The following TAOK2 variants were observed in gnomAD, a reference collection of about 807,000 sequenced individuals.
TAOK2 encodes serine/threonine-protein kinase TAO2.
Under a neutral mutation model 122.5 loss-of-function variants are expected in TAOK2, and 42 were observed. The observed-to-expected ratio is 0.34, with a 90% CI of 0.27 to 0.44. The LOEUF is 0.44. TAOK2 is among the 20% of genes least tolerant of loss of function. The pLI is 1.00. For synonymous variants in TAOK2, 704 were observed against 677.6 expected (o/e 1.04, Z -0.61); for missense variants, 1,264 against 1,644.9 (o/e 0.77, Z 4.01).
rs1166563908 is a variant in TAOK2, at chr16:29,987,740, C to T, written c.3468C>T (p.Gly1156=). ...LLARVWVLCK[G]WNWRLARASQ... ...CAAGGGTCTGGGTCCTGTGCAAGGG[C>T]TGGAACTGGCGTCTGGCACGGGCCA... The change falls in exon 16 of 16, where the codon GGC becomes GGT. Residue 1156 remains glycine (G), a synonymous_variant. Transcript: ENST00000308893. 1.2e-6 allele frequency: 2 copies of T among 1,614,092 alleles called. No homozygotes were observed. The highest frequency in any genetic ancestry group is 1.7e-6 in the Non-Finnish European group (2 of 1,179,956).
In TAOK2 at chr16:29,974,268, GTC is replaced by G. The variant is rs993362246; in HGVS notation, c.-412_-411del. The stretch of plus-strand genomic sequence containing the variant: ...CGGGTCCCAACCTCTCTAAACCTGG[GTC>G]TCTGTTTCATAGAATTTCAAATATC... On this transcript the variant is annotated 5_prime_UTR_variant, in exon 1 of 16. Coordinates refer to ENST00000308893, the MANE Select transcript of TAOK2 (RefSeq NM_016151.4). 2 of 152,614 alleles carry G rather than the reference GTC, an allele frequency of 1.3e-5. No individual in the cohort carries two copies. Among genetic ancestry groups the G allele is most frequent in the African/African-American group, 4.8e-5 (2 of 41,444 alleles). The allele number at this position is 152,614 out of a possible 1,614,324, so 9.5% of individuals were successfully genotyped here. A position where few individuals can be genotyped will look rare whatever the true frequency, so the allele number is the denominator to read the frequency against.
At position 29,978,822 on chromosome 16, in the gene TAOK2, C is replaced by G. The variant is rs557980258; in HGVS notation, c.330C>G (p.Gly110=). The part of the protein sequence containing the change: ...TAWLVMEYCL[G]SASDLLEVHK... ...AGCTGGTAATGGAGTATTGCCTGGG[C>G]TCAGCTTCTGACCTTCTAGAAGGTA... Residue 110 remains glycine, a synonymous_variant, in exon 5 of 16, where the codon GGC becomes GGG. Coordinates refer to ENST00000308893, the MANE Select transcript of TAOK2 (RefSeq NM_016151.4). The G allele has an allele frequency of 7.6e-5, 122 of 1,614,046 alleles. No individual in the cohort carries two copies. The highest frequency in any genetic ancestry group is 2.3e-4 in the Admixed American group (14 of 60,020).
Position 29,985,931 on chromosome 16 carries a change from C to A in TAOK2, c.1992+70C>A. The A allele has an allele frequency of 6.5e-7, 1 of 1,533,478 alleles. No homozygotes were observed. The highest frequency in any genetic ancestry group is 8.9e-7 in the Non-Finnish European group (1 of 1,128,894). 95.0% of individuals were successfully genotyped at this position (1,533,478 alleles called of 1,614,324 possible). A position where few individuals can be genotyped will look rare whatever the true frequency, so the allele number is the denominator to read the frequency against. On this transcript the variant is annotated intron_variant, in intron 15 of 15. Coordinates refer to ENST00000308893, the MANE Select transcript of TAOK2 (RefSeq NM_016151.4). This position sits in a 1 kb window ranked among gnomAD's most constrained non-coding sequence, Gnocchi z 6.9. ...CCAGGGACCCACCCTTTTCCATTTT[C>A]CTCATTCTTGTCTTCTTTCTCCTTG...
chr16:29,976,283 C>T (rs1313982335), intron 1 of TAOK2, among the ~76,000 whole-genome samples: 1 of 152,104 alleles, frequency 6.6e-6, no homozygotes, highest in Non-Finnish European at 1.5e-5. Context: ...AAAGGGCCGG[C>T]TTTGAGCAAC....
downstream of TAOK2, chr16:29,990,947 G>C: frequency 6.2e-7 from 1 of 1,612,386 alleles, no homozygotes. Flanking sequence ...GCGCTGCGGC[G>C]GGCACTGCTG....
At position 29,986,810 on chromosome 16, in the gene TAOK2, A is replaced by G. The variant is rs766451008; in HGVS notation, c.2538A>G (p.Ile846Met). The G allele has an allele frequency of 5.0e-6, 8 of 1,613,874 alleles. No individual in the cohort carries two copies. In the East Asian group the frequency reaches 1.8e-4, roughly 36 times the overall value. The change falls in exon 16 of 16, where the codon ATA becomes ATG. Residue 846 changes from isoleucine (I) to methionine (M), a missense_variant. By Grantham distance (10) the Ile-to-Met change is conservative. Transcript: ENST00000308893. This position sits in a 1 kb window ranked among gnomAD's most constrained non-coding sequence, Gnocchi z 4.2. ...DEEVWGLPEE[I>M]EELRVPSLVP... ...AAGTTTGGGGTCTGCCTGAGGAGAT[A>G]GAGGAGCTTAGGGTGCCCTCCCTTG...
At chr16:29,981,590 T>C in intron 8 of TAOK2, 71 bp from the exon 9 acceptor site, 1 of 1,450,074 alleles carries the variant, frequency 6.9e-7, no homozygotes, top group Non-Finnish European at 9.7e-7. Context: ...ACCCAAGTCG[T>C]CTCAGTTCCA....
At chr16:29,976,748 C>T (rs2069467316) in intron 1 of TAOK2, among the ~76,000 whole-genome samples, 3 of 152,194 alleles carry the variant, frequency 2.0e-5, no homozygotes, top group Non-Finnish European at 4.4e-5. Context: ...GTAATGGATA[C>T]AGGCCTAACC....
downstream of TAOK2, chr16:29,989,230 C>A (rs925354380): frequency 2.7e-5 from 27 of 985,340 alleles, no homozygotes; most frequent in Middle Eastern, 1.6e-3. Flanking sequence ...GTCAGAGCTT[C>A]CAAGATCCTC....
rs770562365 is a variant in TAOK2, at chr16:29,979,053, C to G, written c.432C>G (p.Ser144=). ...GALQGLAYLH[S]HNMIHRDVKA... ...TTCAGGGCCTGGCATATCTGCACTCCCACAACATGATCCATAGGTACAAGC... is the reference window on the plus strand; with the variant it reads ...TTCAGGGCCTGGCATATCTGCACTCGCACAACATGATCCATAGGTACAAGC... Residue 144 remains serine, a synonymous_variant, in exon 6 of 16, where the codon TCC becomes TCG. Transcript: ENST00000308893. The surrounding 1 kb of genome is among the most constrained non-coding windows in gnomAD (Gnocchi z 4.1). The G allele has an allele frequency of 6.2e-7, 1 of 1,614,120 alleles. No homozygotes were observed. Among genetic ancestry groups the G allele is most frequent in the South Asian group, 1.1e-5 (1 of 91,086 alleles).
At chr16:29,974,751 G>C (rs1378118676) in intron 1 of TAOK2, 103 bp downstream of exon 1, 2 of 152,460 alleles carry the variant, frequency 1.3e-5, no homozygotes, top group Non-Finnish European at 2.9e-5. Flanking sequence ...CTCAGGATGG[G>C]GAAGCCCAGC....
At chr16:29,989,346 A>T, downstream of TAOK2, 11 of 984,674 alleles carry the variant, frequency 1.1e-5, no homozygotes, top group Non-Finnish European at 1.3e-5. Flanking sequence ...TTGCCCATCG[A>T]GACCTTCCTG....
rs368747234 is a variant in TAOK2 at position 29,983,209 on chromosome 16, AGAG to A, written c.1155_1157del (p.Glu392del). ...TAGCAGATGCCTCAGACAACGAGGA[AGAG>A]GAGGAGGAGGAGGAGGAAGAGGAGG... On this transcript the variant is annotated inframe_deletion, in exon 12 of 16. Transcript: ENST00000308893. 3.0e-4 allele frequency: 477 copies of A among 1,598,436 alleles called. 7 individuals carry two copies. The highest frequency in any genetic ancestry group is 1.2e-3 in the African/African-American group (86 of 74,516).
Position 29,987,941 on chromosome 16 carries a change from AC to A in TAOK2, c.3670del (p.Arg1224AlafsTer14). ...CAGGGACTCTAGCCGGGCGGAGGTC[AC>A]GCACCCGCCAGTCCCGGGCCCTGCC... Reference protein sequence around the residue: ...LPGTLAGRRSRTRQSRALPPW... With the variant: ...LPGTLAGRRSXTRQSRALPPW... On this transcript the variant is annotated frameshift_variant, in exon 16 of 16. Coordinates refer to ENST00000308893, the MANE Select transcript of TAOK2 (RefSeq NM_016151.4). LOFTEE classifies it high-confidence loss of function. 1 of 1,536,490 alleles carries A rather than the reference AC, an allele frequency of 6.5e-7. No homozygotes were observed. The highest frequency in any genetic ancestry group is 8.7e-7 in the Non-Finnish European group (1 of 1,147,032).
chr16:29,987,685 G>T lies in TAOK2; in HGVS notation c.3413G>T (p.Arg1138Leu). ...PVPGPRRRNP[R>L]TTQHPLALLA... Reference sequence around the variant, plus strand: ...CCTGGGCCCCGGCGGCGTAATCCCCGCACCACCCAACACCCATTAGCTCTG... The same window carrying T: ...CCTGGGCCCCGGCGGCGTAATCCCCTCACCACCCAACACCCATTAGCTCTG... Residue 1138 changes from arginine (R) to leucine (L), a missense_variant, in exon 16 of 16, where the codon CGC becomes CTC. Arg to Leu is a moderately radical substitution (Grantham distance 102). This residue lies in a region of TAOK2 where 824 missense variants were observed against 908.7 expected (regional missense o/e 0.91). Transcript: ENST00000308893. 6.2e-7 allele frequency: 1 copy of T among 1,613,982 alleles called. No homozygotes were observed. The highest frequency in any genetic ancestry group is 8.5e-7 in the Non-Finnish European group (1 of 1,179,920).
Position 29,986,488 on chromosome 16 carries a change from A to G in TAOK2, c.2216A>G (p.Gln739Arg). 2 of 1,605,854 alleles carry G rather than the reference A, an allele frequency of 1.2e-6. No individual in the cohort carries two copies. The highest frequency in any genetic ancestry group is 1.7e-6 in the Non-Finnish European group (2 of 1,175,636). The change falls in exon 16 of 16, where the codon CAG becomes CGG. Residue 739 changes from glutamine (Q) to arginine (R), a missense_variant. This residue lies in a region of TAOK2 where 824 missense variants were observed against 908.7 expected (regional missense o/e 0.91). Transcript: ENST00000308893. This position sits in a 1 kb window ranked among gnomAD's most constrained non-coding sequence, Gnocchi z 4.2. ...RQKHAAQVRQ[Q>R]PKSLKVRAGQ... ...AAGCATGCGGCCCAGGTTCGCCAGC[A>G]GCCCAAGAGCCTCAAAGTACGTGCA...
chr16:29,978,083 C>T lies in TAOK2; in HGVS notation c.133-6C>T. On this transcript the variant is annotated splice_polypyrimidine_tract_variant and splice_region_variant and intron_variant, in intron 2 of 15. Transcript: ENST00000308893. ...GCCTTCAACACCTTCTGGTCTGGTC[C>T]TCTAGGCCCGGGATGTCCGGAATAG... is the stretch of plus-strand genomic sequence containing the variant. The T allele has an allele frequency of 6.2e-7, 1 of 1,614,090 alleles. No individual in the cohort carries two copies. Among genetic ancestry groups the T allele is most frequent in the South Asian group, 1.1e-5 (1 of 91,080 alleles).
rs778607509 is a variant in TAOK2, at chr16:29,987,280, A to G, written c.3008A>G (p.Tyr1003Cys). ...EVGLVGLGAS[Y>C]LLLCTALHLP... ...GGGCTGGTGGGTCTGGGGGCCTCCTACCTGCTCCTTTGTACAGCCCTGCAC... is the reference window on the plus strand; with the variant it reads ...GGGCTGGTGGGTCTGGGGGCCTCCTGCCTGCTCCTTTGTACAGCCCTGCAC... The change falls in exon 16 of 16, where the codon TAC becomes TGC. Residue 1003 changes from tyrosine (Y) to cysteine (C), a missense_variant. Tyr to Cys is a radical substitution (Grantham distance 194). Transcript: ENST00000308893. 1.2e-5 allele frequency: 19 copies of G among 1,526,318 alleles called. No individual in the cohort carries two copies. Among genetic ancestry groups the G allele is most frequent in the South Asian group, 2.6e-5 (2 of 75,722 alleles). The allele number at this position is 1,526,318 out of a possible 1,614,324, so 94.5% of individuals were successfully genotyped here. A position where few individuals can be genotyped will look rare whatever the true frequency, so the allele number is the denominator to read the frequency against.
intron 13 of TAOK2, 22 bp downstream of exon 13, chr16:29,983,686 C>T (rs572785570): frequency 6.3e-7 from 1 of 1,591,178 alleles, no homozygotes; most frequent in African/African-American, 1.3e-5. Flanking sequence ...CATCCTCACT[C>T]AGCCTGCTCG....
Sources: gnomAD v4.1 joint callset for allele counts (sites outside exome capture counted in the v4.1 genomes callset) on GRCh38, gnomAD v4.1.1 for gene constraint, gnomAD v4.1.1 regional missense constraint, Gnocchi (gnomAD v3.1) non-coding constraint, MANE v1.5 for transcripts, NCBI Gene and HGNC (gene_info 2026-07-23, HGNC 2026-07-21) for gene names.